COL17A1: variants seen among roughly 807,000 people sequenced by gnomAD.
COL17A1 encodes the protein collagen alpha-1(XVII) chain.
Under a neutral mutation model 218.4 loss-of-function variants are expected in COL17A1, and 181 were observed. The observed-to-expected ratio is 0.83, with a 90% CI of 0.73 to 0.94. The LOEUF (loss-of-function observed/expected upper bound fraction) is 0.94, where lower values mean the gene tolerates loss of function less well. Ranked by LOEUF, COL17A1 falls within the 40% of genes least tolerant of loss-of-function variation. COL17A1 has a pLI of 0.00. For synonymous variants in COL17A1, 721 were observed against 731.0 expected, an observed-to-expected ratio of 0.99 and a Z score of 0.22; for missense variants, 1,924 against 1,945.9, an observed-to-expected ratio of 0.99 and a Z score of 0.21.
rs2086324556 is a variant in COL17A1 at position 104,038,448 on chromosome 10, AGCTGCTG to A, written c.3021_3027del (p.Ser1008LeufsTer56). On this transcript the variant is annotated frameshift_variant, in exon 45 of 56. Transcript: ENST00000648076. LOFTEE classifies it high-confidence loss of function. ...ATGTACTGCTGAATCTCCTGGCCAGAGCTGCTGATAGAGCCCGGAGGCCCAGGGGGCC... is the reference window on the plus strand; with the variant it reads ...ATGTACTGCTGAATCTCCTGGCCAGAATAGAGCCCGGAGGCCCAGGGGGCC... The A allele has an allele frequency of 6.2e-7, 1 of 1,613,910 alleles. No individual in the cohort carries two copies. The highest frequency in any genetic ancestry group is 1.7e-5 in the Admixed American group (1 of 60,002).
chr10:104,064,517 G>A lies in COL17A1; in HGVS notation c.687C>T (p.Ser229=), dbSNP rs764587707. Reference sequence around the variant, plus strand: ...TGTTGTTGTGATAGGTCCCCATGGAGGACCCCGCGGGCAGGGTGGAGGACC... The same window carrying A: ...TGTTGTTGTGATAGGTCCCCATGGAAGACCCCGCGGGCAGGGTGGAGGACC... ...HVWSSTLPAG[S]SMGTYHNNMT... is the part of the protein sequence containing the mutation. Residue 229 remains serine (S), a synonymous_variant, in exon 10 of 56, where the codon TCC becomes TCT. Transcript: ENST00000648076. The A allele has an allele frequency of 6.2e-7, 1 of 1,614,174 alleles. No homozygotes were observed. Among genetic ancestry groups the A allele is most frequent in the Non-Finnish European group, 8.5e-7 (1 of 1,180,030 alleles).
intron 18 of COL17A1, 85 bp downstream of exon 18, chr10:104,055,697 C>T: frequency 3.2e-6 from 5 of 1,561,372 alleles, no homozygotes; most frequent in Admixed American, 3.5e-5. Context: ...GATGATGGTG[C>T]TCACAGCACA....
Position 104,043,807 on chromosome 10 carries a change from C to A in COL17A1, c.2434+18G>T. On this transcript the variant is annotated intron_variant, in intron 34 of 55. Transcript: ENST00000648076. ...TAAGAAAGACACAGAAAGGAGGGTCCCTCTAGGACCTGCCTACCCGAAGTC... is the reference window on the plus strand; with the variant it reads ...TAAGAAAGACACAGAAAGGAGGGTCACTCTAGGACCTGCCTACCCGAAGTC... 3 of 1,613,824 alleles carry A rather than the reference C, an allele frequency of 1.9e-6. No homozygotes were observed. The highest frequency in any genetic ancestry group is 8.5e-7 in the Non-Finnish European group (1 of 1,179,822).
rs1422862634 is a variant in COL17A1, at chr10:104,038,572, G to A, written c.2948-44C>T. On this transcript the variant is annotated intron_variant, in intron 44 of 55. Coordinates refer to ENST00000648076, the MANE Select transcript of COL17A1 (RefSeq NM_000494.4). ...GTCCTGTGTCGGTTTCTCCACCCTA[G>A]GGTCAGACAAACGGGCCCAGGAATA... is the stretch of plus-strand genomic sequence containing the variant. 2.5e-6 allele frequency: 4 copies of A among 1,603,406 alleles called. No individual in the cohort carries two copies. The Middle Eastern group carries it at 5.1e-4, about 203-fold the overall frequency.
intron 22 of COL17A1, among the ~76,000 whole-genome samples, chr10:104,053,573 T>C (rs1429880860): frequency 6.6e-6 from 1 of 151,692 alleles, no homozygotes; most frequent in Non-Finnish European, 1.5e-5. Context: ...TGGCTCCTTC[T>C]TGCCCTTCGA....
chr10:104,071,155 G>A (rs2086666278), intron 8 of COL17A1, among the ~76,000 whole-genome samples: 1 of 152,190 alleles, frequency 6.6e-6, no homozygotes. Context: ...CAGGAGAGGT[G>A]GGAGGCACCA....
chr10:104,074,265 C>G (rs1317818476), intron 5 of COL17A1, 34 bp from the exon 6 acceptor site: 2 of 1,614,066 alleles, frequency 1.2e-6, no homozygotes, highest in East Asian at 2.2e-5. Context: ...GAACAAATGG[C>G]CTCTTAGGCC....
intron 9 of COL17A1, among the ~76,000 whole-genome samples, chr10:104,068,059 C>T (rs1030408632): frequency 2.6e-5 from 4 of 151,996 alleles, no homozygotes; most frequent in East Asian, 1.9e-4. Flanking sequence ...GCCCTGCTGG[C>T]GGAGGGGAGT....
chr10:104,048,259 CG>C (rs1180247204), intron 29 of COL17A1, 155 bp from the exon 30 acceptor site: 3 of 805,196 alleles, frequency 3.7e-6, no homozygotes, highest in Admixed American at 1.7e-5. Flanking sequence ...TCTCTGGATA[CG>C]GTACTCCCAC....
Position 104,081,526 on chromosome 10 carries a change from G to T in COL17A1, c.-11-842C>A, listed in dbSNP as rs183524894. Among the ~76,000 whole-genome samples the T allele has an allele frequency of 2.0e-5, 3 of 152,288 alleles. No homozygotes were observed. The East Asian group carries it at 5.8e-4, about 29-fold the overall frequency. On this transcript the variant is annotated intron_variant, in intron 1 of 55. Coordinates refer to ENST00000648076, the MANE Select transcript of COL17A1 (RefSeq NM_000494.4). ...TAAACACACAGGAATGCACAGCAAG[G>T]GTCCCGTCCCAACTGGGCTCTTCTC...
intron 23 of COL17A1, among the ~76,000 whole-genome samples, 154 bp from the exon 24 acceptor site, chr10:104,052,371 T>C (rs2086478231): frequency 6.6e-6 from 1 of 152,168 alleles, no homozygotes; most frequent in South Asian, 2.1e-4. Flanking sequence ...GCAAAACTCC[T>C]TAGCTTCTAC....
chr10:104,077,590 C>T (rs1033657042), intron 3 of COL17A1, 64 bp from the exon 4 acceptor site: 1 of 1,371,426 alleles, frequency 7.3e-7, no homozygotes, highest in East Asian at 2.4e-5. Flanking sequence ...CCCCTGGTCC[C>T]CCACCCTGTG....
intron 1 of COL17A1, among the ~76,000 whole-genome samples, chr10:104,081,097 G>A (rs1301952653): frequency 6.6e-6 from 1 of 152,160 alleles, no homozygotes; most frequent in African/African-American, 2.4e-5. Context: ...CTCCCATAAT[G>A]TTCAATGTTC....
Position 104,053,117 on chromosome 10 carries a change from C to A in COL17A1, c.1853G>T (p.Gly618Val). 2 of 1,613,508 alleles carry A rather than the reference C, an allele frequency of 1.2e-6. No individual in the cohort carries two copies. The highest frequency in any genetic ancestry group is 8.5e-7 in the Non-Finnish European group (1 of 1,180,026). The change falls in exon 23 of 56, where the codon GGC becomes GTC. Residue 618 changes from glycine to valine, a missense_variant. Transcript: ENST00000648076. ...KGSVGDPGME[G>V]PMGQRGREGP... ...TTCTCGCCCTCTCTGGCCCATGGGG[C>A]CTTCCATGCCAGGATCTCCTAAAGA...
chr10:104,069,746 T>G (rs913978559), intron 9 of COL17A1, among the ~76,000 whole-genome samples: 1 of 151,700 alleles, frequency 6.6e-6, no homozygotes, highest in African/African-American at 2.4e-5. Context: ...CCTCTTGAGT[T>G]CACAGTTCAC....
intron 30 of COL17A1, 29 bp from the exon 31 acceptor site, chr10:104,047,839 G>A (rs762808745): frequency 6.3e-7 from 1 of 1,593,126 alleles, no homozygotes; most frequent in Admixed American, 1.7e-5. Flanking sequence ...ACGTGGAAGT[G>A]TTTACATTTA....
rs576446488 is a variant in COL17A1, at chr10:104,064,604, C to T, written c.608-8G>A. On this transcript the variant is annotated splice_polypyrimidine_tract_variant and splice_region_variant and intron_variant, in intron 9 of 55. Transcript: ENST00000648076. ...CATCGTAGGTGCCTGACACTGGAAA[C>T]AGACACATGCACACACCCCAGTGAG... 6 of 1,610,276 alleles carry T rather than the reference C, an allele frequency of 3.7e-6. No homozygotes were observed. The South Asian group carries it at 6.6e-5, about 18-fold the overall frequency.
At chr10:104,076,959 G>A (rs981988087) in intron 4 of COL17A1, among the ~76,000 whole-genome samples, 4 of 152,204 alleles carry the variant, frequency 2.6e-5, no homozygotes, top group Admixed American at 2.0e-4. Context: ...ATCTTGCACA[G>A]CATGGGATCA....
intron 1 of COL17A1, among the ~76,000 whole-genome samples, 154 bp downstream of exon 1, chr10:104,085,569 T>C (rs2086799102): frequency 1.3e-5 from 2 of 152,178 alleles, no homozygotes; most frequent in Admixed American, 1.3e-4. Flanking sequence ...TACACCAAAG[T>C]CATCTTTTAT....
Sources: gnomAD v4.1 joint callset for allele counts (sites outside exome capture counted in the v4.1 genomes callset) on GRCh38, gnomAD v4.1.1 for gene constraint, MANE v1.5 for transcripts, NCBI Gene and HGNC (gene_info 2026-07-23, HGNC 2026-07-21) for gene names.